Variants in ADCY2 observed in about 807,000 individuals in gnomAD.
ADCY2 encodes adenylate cyclase type 2.
In ADCY2, 31 loss-of-function variants were observed where a neutral mutation model predicts 125.2. The observed-to-expected ratio is 0.25, with a 90% CI of 0.19 to 0.33. The LOEUF is 0.33. Among genes scored for constraint, ADCY2 ranks in the 10% least tolerant of loss-of-function variants. The pLI, the probability that ADCY2 is intolerant of heterozygous loss-of-function variation, is 1.00. For missense variants in ADCY2, 904 were observed against 1,418.2 expected, an observed-to-expected ratio of 0.64 and a Z score of 5.82; for synonymous variants, 512 against 548.4, an observed-to-expected ratio of 0.93 and a Z score of 0.93.
At chr5:7,632,002 G>A (rs1738326176) in intron 4 of ADCY2, among the ~76,000 whole-genome samples, 1 of 152,196 alleles carries the variant, frequency 6.6e-6, no homozygotes. Flanking sequence ...TGGACTTGAG[G>A]TGAGGCATCT....
At chr5:7,729,551 C>CT (rs970217191) in intron 14 of ADCY2, among the ~76,000 whole-genome samples, 3 of 150,516 alleles carry the variant, frequency 2.0e-5, no homozygotes, top group African/African-American at 4.9e-5. Flanking sequence ...TTCTTTGGTC[C>CT]TTTTTTTTCT....
intron 2 of ADCY2, among the ~76,000 whole-genome samples, chr5:7,448,301 G>A (rs1466395654): frequency 2.6e-5 from 4 of 152,128 alleles, no homozygotes; most frequent in South Asian, 2.1e-4. Context: ...GAAGAATGTC[G>A]TGTGCCAGAC....
At chr5:7,440,171 T>G (rs1740958792) in intron 2 of ADCY2, among the ~76,000 whole-genome samples, 1 of 152,140 alleles carries the variant, frequency 6.6e-6, no homozygotes. Context: ...TGGCTTAAAT[T>G]CAAGTTGTTA....
chr5:7,431,664 T>A (rs1170098382), intron 2 of ADCY2, among the ~76,000 whole-genome samples: 1 of 152,068 alleles, frequency 6.6e-6, no homozygotes, highest in Admixed American at 6.6e-5. Context: ...AAAAAATAGT[T>A]GCAAATCATT....
chr5:7,658,428 T>TGG, intron 4 of ADCY2, among the ~76,000 whole-genome samples: 3 of 143,888 alleles, frequency 2.1e-5, no homozygotes, highest in Non-Finnish European at 4.6e-5. Flanking sequence ...TGTGTGTGTG[T>TGG]GTGTATATAT....
intron 24 of ADCY2, among the ~76,000 whole-genome samples, chr5:7,825,562 T>C (rs1745449914): frequency 2.0e-5 from 3 of 152,330 alleles, no homozygotes; most frequent in Non-Finnish European, 2.9e-5. Context: ...AGGAGATTGC[T>C]CCTTTGTGCC....
At chr5:7,412,142 G>A (rs1322875066) in intron 1 of ADCY2, among the ~76,000 whole-genome samples, 3 of 151,776 alleles carry the variant, frequency 2.0e-5, no homozygotes, top group Non-Finnish European at 4.4e-5. Flanking sequence ...CTTCCTGGAA[G>A]GACTATATCA....
At chr5:7,511,289 G>A (rs191544076) in intron 2 of ADCY2, among the ~76,000 whole-genome samples, 1 of 152,278 alleles carries the variant, frequency 6.6e-6, no homozygotes, top group African/African-American at 2.4e-5. Flanking sequence ...TATAAAGAAT[G>A]TAGGGGCCAG....
intron 2 of ADCY2, among the ~76,000 whole-genome samples, chr5:7,499,803 A>G (rs1261688760): frequency 1.3e-5 from 2 of 151,040 alleles, no homozygotes; most frequent in African/African-American, 2.4e-5. Context: ...AAAACTGCCC[A>G]TATAGAGAAA....
At chr5:7,550,542 G>T (rs1735294355) in intron 3 of ADCY2, among the ~76,000 whole-genome samples, 2 of 152,276 alleles carry the variant, frequency 1.3e-5, no homozygotes, top group African/African-American at 4.8e-5. Flanking sequence ...GGATGACCAA[G>T]CCTGTTGTCA....
chr5:7,653,349 T>G (rs1473622918), intron 4 of ADCY2, among the ~76,000 whole-genome samples: 1 of 152,146 alleles, frequency 6.6e-6, no homozygotes, highest in East Asian at 1.9e-4. Flanking sequence ...AAAGTCATGA[T>G]GATAATCATC....
chr5:7,620,124 A>G lies in ADCY2; in HGVS notation c.571-6043A>G, dbSNP rs73050138. Reference sequence around the variant, plus strand: ...TAGTTATTAGCCAGACATGAGCCCTATCTAATTATAAGACCCTTTAGCCCT... The same window carrying G: ...TAGTTATTAGCCAGACATGAGCCCTGTCTAATTATAAGACCCTTTAGCCCT... On this transcript the variant is annotated intron_variant, in intron 3 of 24. Transcript: ENST00000338316. 9.3e-4 allele frequency among the ~76,000 whole-genome samples: 141 copies of G among 152,334 alleles called. 1 individual carries two copies. Among genetic ancestry groups the G allele is most frequent in the Middle Eastern group, 6.8e-3 (2 of 294 alleles).
chr5:7,732,285 C>T (rs1347299785), intron 14 of ADCY2, among the ~76,000 whole-genome samples: 1 of 152,206 alleles, frequency 6.6e-6, no homozygotes, highest in East Asian at 1.9e-4. Context: ...GGTTATCTTC[C>T]CTAAAAATTA....
intron 19 of ADCY2, among the ~76,000 whole-genome samples, chr5:7,786,894 A>G (rs1370098393): frequency 1.3e-5 from 2 of 152,184 alleles, no homozygotes; most frequent in Admixed American, 6.5e-5. Flanking sequence ...GAAGCCCTCC[A>G]GTTCCTCAGG....
intron 2 of ADCY2, among the ~76,000 whole-genome samples, chr5:7,451,312 G>A (rs1396543104): frequency 2.6e-5 from 4 of 152,204 alleles, no homozygotes; most frequent in Non-Finnish European, 5.9e-5. Context: ...CAGGATTTTG[G>A]AAGAAGTTGA....
intron 15 of ADCY2, among the ~76,000 whole-genome samples, chr5:7,753,768 C>T (rs1006798420): frequency 9.2e-5 from 14 of 152,170 alleles, no homozygotes; most frequent in Non-Finnish European, 2.1e-4. Context: ...CTGCTCCCCC[C>T]ACCAGCTTGA....
chr5:7,758,204 G>A (rs910587324), intron 16 of ADCY2, among the ~76,000 whole-genome samples: 8 of 152,210 alleles, frequency 5.3e-5, no homozygotes, highest in African/African-American at 1.7e-4. Flanking sequence ...AGGATTCAAT[G>A]AGCCAGTGTT....
At chr5:7,449,470 C>G (rs1212992297) in intron 2 of ADCY2, among the ~76,000 whole-genome samples, 1 of 152,154 alleles carries the variant, frequency 6.6e-6, no homozygotes, top group East Asian at 1.9e-4. Flanking sequence ...CAGCCTGGTA[C>G]TTTTTAGTTT....
intron 2 of ADCY2, among the ~76,000 whole-genome samples, chr5:7,488,811 C>T (rs560447789): frequency 1.2e-4 from 19 of 152,272 alleles, no homozygotes; most frequent in African/African-American, 3.9e-4. Context: ...CAAAGCCCCT[C>T]GTCAGTGCCC....
Sources: allele counts gnomAD v4.1 joint callset (sites outside exome capture counted in the v4.1 genomes callset), GRCh38; gene constraint gnomAD v4.1.1; transcripts MANE v1.5; gene names NCBI Gene and HGNC (gene_info 2026-07-23, HGNC 2026-07-21).